Variants in COMMD5 observed in about 807,000 individuals in gnomAD.
COMMD5 encodes COMM domain containing 5, also known as COMM domain-containing protein 5.
A neutral mutation model predicts 6.9 loss-of-function variants in COMMD5; 10 were observed. The observed-to-expected ratio is 1.44, with a 90% CI of 0.89 to 2.45. The LOEUF is 2.45. COMMD5 is among the 30% of genes most tolerant of loss of function. The probability of loss-of-function intolerance (pLI) is 0.00; values close to 1 mark genes in which losing one functional copy is unlikely to be tolerated. For missense variants in COMMD5, 234 were observed against 287.8 expected (o/e 0.81, Z 1.35); for synonymous variants, 127 against 125.3 (o/e 1.01, Z -0.09).
At chr8:144,851,791 T>A (rs527436663) in intron 1 of COMMD5, among the ~76,000 whole-genome samples, 239 of 152,192 alleles carry the variant, frequency 1.6e-3, no homozygotes, top group Non-Finnish European at 2.9e-3. Flanking sequence ...CAATCTTGAA[T>A]CCTTCACAAC....
intron 1 of COMMD5, chr8:144,842,188 C>T (rs1423479446): frequency 1.2e-6 from 2 of 1,613,994 alleles, no homozygotes; most frequent in Non-Finnish European, 1.7e-6. Context: ...TGGGGAGAGG[C>T]CCTACCCTTG....
chr8:144,839,522 C>A (rs1055393152), downstream of COMMD5, among the ~76,000 whole-genome samples: 1 of 152,240 alleles, frequency 6.6e-6, no homozygotes, highest in East Asian at 1.9e-4. Flanking sequence ...AAGCCAGCTA[C>A]AGTTGGCAGA....
chr8:144,850,402 C>A lies in COMMD5; in HGVS notation c.*262G>T, dbSNP rs1830680644. 1.1e-5 allele frequency: 5 copies of A among 436,922 alleles called. No individual in the cohort carries two copies. The highest frequency in any genetic ancestry group is 2.0e-5 in the Non-Finnish European group (5 of 244,630). The allele number at this position is 436,922 out of a possible 1,614,324, so 27.1% of individuals were successfully genotyped here. A position where few individuals can be genotyped will look rare whatever the true frequency, so the allele number is the denominator to read the frequency against. On this transcript the variant is annotated 3_prime_UTR_variant, in exon 2 of 2. Coordinates refer to ENST00000305103, the MANE Select transcript of COMMD5 (RefSeq NM_014066.4). This position sits in a 1 kb window ranked among gnomAD's most constrained non-coding sequence, Gnocchi z 4.0. ...ACATGGCCACGTCCAGCACCAAAGA[C>A]AAATGTACAGGGAAGGGGAGGGTGT...
chr8:144,842,231 C>G (rs983429838), intron 1 of COMMD5: 4 of 1,614,108 alleles, frequency 2.5e-6, no homozygotes, highest in Non-Finnish European at 3.4e-6. Flanking sequence ...AGCCAGAGCT[C>G]CACCCTAGCC....
downstream of COMMD5, chr8:144,846,228 G>C (rs573604033): frequency 6.6e-6 from 10 of 1,505,562 alleles, no homozygotes; most frequent in East Asian, 2.5e-4. Context: ...TTCACTAACA[G>C]CAACCAGCCA....
chr8:144,838,522 A>C, downstream of COMMD5: 2 of 187,766 alleles, frequency 1.1e-5, no homozygotes, highest in South Asian at 1.4e-4. Flanking sequence ...GAAGCCCCTC[A>C]CCTCCCTTTC....
chr8:144,844,708 TCAAAAAAAAAAAAAAA>T (rs1286133559), intron 1 of COMMD5, among the ~76,000 whole-genome samples: 7 of 43,128 alleles, frequency 1.6e-4, no homozygotes, highest in South Asian at 6.9e-4. Context: ...TGACTCTGTA[TCAAAAAAAAAAAAAAA>T]AAAAAAAAAA....
intron 1 of COMMD5, chr8:144,842,386 C>G (rs575469319): frequency 1.2e-6 from 2 of 1,613,948 alleles, no homozygotes; most frequent in Admixed American, 3.3e-5. Context: ...GTGGATCTCT[C>G]GCCTGAGTCA....
chr8:144,841,259 A>AT, exon 2 of COMMD5: 1 of 1,303,838 alleles, frequency 7.7e-7, no homozygotes, highest in Non-Finnish European at 1.0e-6. Flanking sequence ...CAGTGCAACT[A>AT]TCCTGGGAGC....
intron 1 of COMMD5, chr8:144,842,453 C>G: frequency 6.2e-7 from 1 of 1,614,090 alleles, no homozygotes; most frequent in Non-Finnish European, 8.5e-7. Flanking sequence ...TGTACAAAAG[C>G]CTTTGGTTGT....
chr8:144,841,331 C>T (rs550878513), exon 2 of COMMD5: 142 of 1,579,154 alleles, frequency 9.0e-5, no homozygotes, highest in Middle Eastern at 3.4e-4. Flanking sequence ...GCCTAAGGAA[C>T]GTCTTTGTTC....
downstream of COMMD5, among the ~76,000 whole-genome samples, chr8:144,848,100 C>T (rs544973974): frequency 6.6e-6 from 1 of 152,216 alleles, no homozygotes; most frequent in Admixed American, 6.5e-5. Flanking sequence ...AAAACCAGCA[C>T]TTTGGGAGGC....
intron 1 of COMMD5, chr8:144,843,034 T>C (rs1221348585): frequency 1.2e-6 from 2 of 1,614,198 alleles, no homozygotes; most frequent in Middle Eastern, 1.7e-4. Context: ...TGAGAAGATA[T>C]TTAGGTGGCG....
chr8:144,842,882 G>A (rs760541305), intron 1 of COMMD5: 11 of 1,614,166 alleles, frequency 6.8e-6, no homozygotes, highest in Middle Eastern at 1.6e-4. Context: ...GCCTTCAGCC[G>A]GAGCTCATAT....
chr8:144,844,867 G>A (rs1830425063), intron 1 of COMMD5, among the ~76,000 whole-genome samples: 1 of 151,908 alleles, frequency 6.6e-6, no homozygotes, highest in African/African-American at 2.4e-5. Flanking sequence ...CTTGGGGTGA[G>A]AGTGGGTTAG....
chr8:144,847,886 G>A (rs1186505701), downstream of COMMD5, among the ~76,000 whole-genome samples: 2 of 152,214 alleles, frequency 1.3e-5, no homozygotes, highest in Non-Finnish European at 2.9e-5. Flanking sequence ...AGATGGACAG[G>A]GCTGGCCTCT....
At chr8:144,842,065 A>G in intron 1 of COMMD5, 1 of 1,614,118 alleles carries the variant, frequency 6.2e-7, no homozygotes, top group Non-Finnish European at 8.5e-7. Context: ...TCAGAGCTCA[A>G]GCCTCATCCA....
downstream of COMMD5, among the ~76,000 whole-genome samples, chr8:144,845,365 G>A (rs114666419): frequency 1.3e-5 from 2 of 151,990 alleles, no homozygotes; most frequent in South Asian, 2.1e-4. Context: ...TGGGAGCTGG[G>A]GGGCCATTAC....
intron 1 of COMMD5, chr8:144,843,469 TC>T (rs1830261024): frequency 4.9e-6 from 1 of 205,228 alleles, no homozygotes; most frequent in Admixed American, 5.6e-5. Context: ...GCACCTGTGG[TC>T]CCAGCTGCTC....
Sources: allele counts gnomAD v4.1 joint callset (sites outside exome capture counted in the v4.1 genomes callset), GRCh38; gene constraint gnomAD v4.1.1; non-coding constraint Gnocchi (gnomAD v3.1); transcripts MANE v1.5; gene names NCBI Gene and HGNC (gene_info 2026-07-23, HGNC 2026-07-21).